ZC3H12C: variants seen among roughly 807,000 people sequenced by gnomAD.
ZC3H12C encodes probable ribonuclease ZC3H12C.
In ZC3H12C, 20 loss-of-function variants were observed where a neutral mutation model predicts 76.3. The ratio of observed to expected loss-of-function variants is 0.26; its 90% confidence interval spans 0.18 to 0.38. The LOEUF is 0.38. Ranked by LOEUF, ZC3H12C falls within the 10% of genes least tolerant of loss-of-function variation. ZC3H12C has a pLI of 1.00. For missense variants in ZC3H12C, 874 were observed against 1,086.5 expected (o/e 0.80, Z 2.75); for synonymous variants, 352 against 399.6 (o/e 0.88, Z 1.42).
chr11:110,105,744 TATATC>T (rs1290990582), intron 1 of ZC3H12C, among the ~76,000 whole-genome samples: 2 of 152,220 alleles, frequency 1.3e-5, no homozygotes, highest in South Asian at 2.1e-4. Flanking sequence ...TTTCATTCAG[TATATC>T]ATAAGAGTCT....
At chr11:110,152,505 C>T (rs914208626) in intron 2 of ZC3H12C, among the ~76,000 whole-genome samples, 2 of 148,540 alleles carry the variant, frequency 1.3e-5, no homozygotes, top group African/African-American at 2.5e-5. Context: ...TTTAGAAACT[C>T]ATAAGTATTC....
rs11213267 is a variant in ZC3H12C, at chr11:110,108,007, G to T, written c.21+14575G>T. On this transcript the variant is annotated intron_variant, in intron 1 of 5. Coordinates refer to ENST00000278590, the MANE Select transcript of ZC3H12C (RefSeq NM_033390.2). The stretch of plus-strand genomic sequence containing the variant: ...CTGTCACCCTGGCTAGAGCACAGTG[G>T]CACAATAATGGCTCACTGCAGCCTC... Among the ~76,000 whole-genome samples the T allele has an allele frequency of 7.8e-4, 118 of 152,164 alleles. No homozygotes were observed. In the East Asian group the frequency reaches 0.018, roughly 24 times the overall value.
chr11:110,164,335 T>G lies in ZC3H12C; in HGVS notation c.1256-6T>G, dbSNP rs770794591. On this transcript the variant is annotated splice_polypyrimidine_tract_variant and splice_region_variant and intron_variant, in intron 5 of 5. Coordinates refer to ENST00000278590, the MANE Select transcript of ZC3H12C (RefSeq NM_033390.2). This position sits in a 1 kb window ranked among gnomAD's most constrained non-coding sequence, Gnocchi z 5.7. ...TCCTTTGCCTAATTAATTTTACTCT[T>G]CTTAGGAAAGAAGTGTACCTATGGA... 1 of 1,593,134 alleles carries G rather than the reference T, an allele frequency of 6.3e-7. No homozygotes were observed.
chr11:110,119,881 C>G (rs939801461), intron 1 of ZC3H12C, among the ~76,000 whole-genome samples: 2 of 152,088 alleles, frequency 1.3e-5, no homozygotes, highest in Admixed American at 6.5e-5. Context: ...TCCCAAAGGC[C>G]CCACCTCTAA....
chr11:110,146,944 C>T (rs144766868), intron 2 of ZC3H12C, among the ~76,000 whole-genome samples: 1 of 152,248 alleles, frequency 6.6e-6, no homozygotes, highest in Non-Finnish European at 1.5e-5. Context: ...CTCAGTCAGC[C>T]ACTGATGAAA....
At chr11:110,128,831 T>A (rs1312205652) in intron 1 of ZC3H12C, among the ~76,000 whole-genome samples, 1 of 149,920 alleles carries the variant, frequency 6.7e-6, no homozygotes, top group Non-Finnish European at 1.5e-5. Flanking sequence ...CTTATTCTTT[T>A]CAGGGCTGAT....
chr11:110,137,304 A>G lies in ZC3H12C; in HGVS notation c.663A>G (p.Glu221=). The change falls in exon 2 of 6, where the codon GAA becomes GAG. Residue 221 remains glutamate (E), a synonymous_variant. Transcript: ENST00000278590. The stretch of plus-strand genomic sequence containing the variant: ...GTACAATTAACACTATAACACGGGA[A>G]ACTTCTTCCCTGGAATCTCAGAGGT... The part of the protein sequence containing the change: ...TVSTINTITR[E]TSSLESQRSE... 8 of 1,614,000 alleles carry G rather than the reference A, an allele frequency of 5.0e-6. No homozygotes were observed. The highest frequency in any genetic ancestry group is 5.9e-6 in the Non-Finnish European group (7 of 1,179,884).
chr11:110,094,831 A>G (rs1172367315), intron 1 of ZC3H12C, among the ~76,000 whole-genome samples: 3 of 152,204 alleles, frequency 2.0e-5, no homozygotes, highest in Non-Finnish European at 4.4e-5. Flanking sequence ...ATAAAAATAG[A>G]ATGGCCTGTT....
intron 1 of ZC3H12C, chr11:110,135,897 T>C (rs911435251): frequency 6.6e-6 from 1 of 152,168 alleles, no homozygotes; most frequent in Non-Finnish European, 1.5e-5. Flanking sequence ...TGGAATGAAA[T>C]AGACTGTTGT....
chr11:110,171,133 T>G lies in ZC3H12C; in HGVS notation c.*5396T>G, dbSNP rs973895857. On this transcript the variant is annotated 3_prime_UTR_variant, in exon 6 of 6. Coordinates refer to ENST00000278590, the MANE Select transcript of ZC3H12C (RefSeq NM_033390.2). ...TAACAAAACGCTGTTCATTGAAGCTTTCGCCACCTTTCTTAAAGCAGCGTA... is the reference window on the plus strand; with the variant it reads ...TAACAAAACGCTGTTCATTGAAGCTGTCGCCACCTTTCTTAAAGCAGCGTA... 3 of 152,250 alleles carry G rather than the reference T, an allele frequency of 2.0e-5. No individual in the cohort carries two copies. Among genetic ancestry groups the G allele is most frequent in the Non-Finnish European group, 2.9e-5 (2 of 68,040 alleles). The allele number at this position is 152,250 out of a possible 1,614,324, so 9.4% of individuals were successfully genotyped here.
At position 110,167,705 on chromosome 11, in the gene ZC3H12C, A is replaced by G. The variant is rs1862607529; in HGVS notation, c.*1968A>G. On this transcript the variant is annotated 3_prime_UTR_variant, in exon 6 of 6. Coordinates refer to ENST00000278590, the MANE Select transcript of ZC3H12C (RefSeq NM_033390.2). The stretch of plus-strand genomic sequence containing the variant: ...GCATATTGACATAACCAATAATCTG[A>G]ACCGTGTTCAGCAAACTTAATTCAG... 1 of 152,184 alleles carries G rather than the reference A, an allele frequency of 6.6e-6. No individual in the cohort carries two copies. Among genetic ancestry groups the G allele is most frequent in the Non-Finnish European group, 1.5e-5 (1 of 68,016 alleles). The allele number at this position is 152,184 out of a possible 1,614,324, so 9.4% of individuals were successfully genotyped here.
At chr11:110,124,454 G>T (rs992979115) in intron 1 of ZC3H12C, among the ~76,000 whole-genome samples, 4 of 152,140 alleles carry the variant, frequency 2.6e-5, no homozygotes, top group African/African-American at 9.7e-5. Flanking sequence ...AGAATGAATG[G>T]TTCTGCTCTC....
intron 1 of ZC3H12C, among the ~76,000 whole-genome samples, chr11:110,129,254 A>G (rs1747118545): frequency 6.6e-6 from 1 of 152,214 alleles, no homozygotes; most frequent in Admixed American, 6.5e-5. Flanking sequence ...TCTTGAGGAA[A>G]TATCTGTAAA....
chr11:110,122,419 C>T (rs1423470586), intron 1 of ZC3H12C, among the ~76,000 whole-genome samples: 1 of 152,010 alleles, frequency 6.6e-6, no homozygotes, highest in Non-Finnish European at 1.5e-5. Context: ...GAGTGATAAT[C>T]AATCATGTGC....
chr11:110,119,058 TAAG>T (rs151220987), intron 1 of ZC3H12C, among the ~76,000 whole-genome samples: 2,509 of 152,120 alleles, frequency 0.016, 81 homozygotes, highest in African/African-American at 0.056. Context: ...ATAACCAGGA[TAAG>T]AATATGAAAA....
At chr11:110,111,216 T>A (rs1026470600) in intron 1 of ZC3H12C, among the ~76,000 whole-genome samples, 14 of 152,190 alleles carry the variant, frequency 9.2e-5, no homozygotes, top group African/African-American at 2.9e-4. Context: ...ATCATAACTG[T>A]TTATTTCCTA....
chr11:110,128,989 A>G lies in ZC3H12C; in HGVS notation c.22-7674A>G, dbSNP rs75084183. Among the ~76,000 whole-genome samples the G allele has an allele frequency of 6.8e-4, 103 of 151,756 alleles. No individual in the cohort carries two copies. In the Middle Eastern group the frequency reaches 0.01, roughly 15 times the overall value. On this transcript the variant is annotated intron_variant, in intron 1 of 5. Coordinates refer to ENST00000278590, the MANE Select transcript of ZC3H12C (RefSeq NM_033390.2). ...GACATTTGAATTCTGTGTAATTTAC[A>G]TTGTAATTTGCAATAAGCGAGAATA...
intron 1 of ZC3H12C, among the ~76,000 whole-genome samples, chr11:110,098,616 T>C (rs926526258): frequency 3.9e-5 from 6 of 152,226 alleles, no homozygotes; most frequent in African/African-American, 7.2e-5. Context: ...ACCATTTTTA[T>C]CTTATAGACT....
chr11:110,150,769 A>G (rs1233015119), intron 2 of ZC3H12C, among the ~76,000 whole-genome samples: 1 of 151,694 alleles, frequency 6.6e-6, no homozygotes, highest in Non-Finnish European at 1.5e-5. Flanking sequence ...GATTTTTTTC[A>G]TTTCTTCTAG....
Sources: gnomAD v4.1 joint callset for allele counts (sites outside exome capture counted in the v4.1 genomes callset) on GRCh38, gnomAD v4.1.1 for gene constraint, Gnocchi (gnomAD v3.1) non-coding constraint, MANE v1.5 for transcripts, NCBI Gene and HGNC (gene_info 2026-07-23, HGNC 2026-07-21) for gene names.